The following STK36 variants were observed in gnomAD, a reference collection of about 807,000 sequenced individuals.
The protein encoded by STK36 is serine/threonine-protein kinase 36.
In STK36, 116 loss-of-function variants were observed where a neutral mutation model predicts 142.2. The observed-to-expected ratio is 0.82, with a 90% confidence interval of 0.70 to 0.95. The LOEUF (loss-of-function observed/expected upper bound fraction) is 0.95. STK36 is among the 40% of genes least tolerant of loss of function. STK36 has a pLI of 0.00. For missense variants in STK36, 1,422 were observed against 1,617.2 expected, an observed-to-expected ratio of 0.88 and a Z score of 2.07; for synonymous variants, 619 against 641.7, an observed-to-expected ratio of 0.96 and a Z score of 0.53.
At chr2:218,674,507 GC>G (rs200491338) in intron 4 of STK36, among the ~76,000 whole-genome samples, 4 of 152,098 alleles carry the variant, frequency 2.6e-5, no homozygotes, top group East Asian at 1.9e-4. Context: ...AAGCAAGTAG[GC>G]CCCCCCTGGG....
At chr2:218,693,555 G>A (rs1941096730) in intron 17 of STK36, among the ~76,000 whole-genome samples, 168 bp from the exon 18 acceptor site, 1 of 152,124 alleles carries the variant, frequency 6.6e-6, no homozygotes, top group Non-Finnish European at 1.5e-5. Flanking sequence ...AACCGAGAAG[G>A]GTCCCTGTCT....
At chr2:218,690,699 G>A (rs1169096083) in intron 14 of STK36, 144 bp downstream of exon 14, 5 of 670,152 alleles carry the variant, frequency 7.5e-6, no homozygotes, top group Non-Finnish European at 1.3e-5. Context: ...TGCCATGTGA[G>A]TAAGAAAAAG....
intron 12 of STK36, 46 bp from the exon 13 acceptor site, chr2:218,689,813 T>G: frequency 6.5e-7 from 1 of 1,545,378 alleles, no homozygotes; most frequent in South Asian, 1.2e-5. Flanking sequence ...ATTCTTTGTT[T>G]CCATCCTTCA....
rs537653052 is a variant in STK36 at position 218,693,353 on chromosome 2, C to T, written c.2148+9C>T. On this transcript the variant is annotated intron_variant, in intron 17 of 26. Coordinates refer to ENST00000295709, the MANE Select transcript of STK36 (RefSeq NM_015690.5). ...GCCTGCACCTTCTCAAGGTAATCCT[C>T]TTAACTCCTGGCATCACAGCTTTAT... 1 of 1,612,210 alleles carries T rather than the reference C, an allele frequency of 6.2e-7. No individual in the cohort carries two copies. The highest frequency in any genetic ancestry group is 1.7e-5 in the Admixed American group (1 of 59,948).
In STK36 at chr2:218,690,511, CA is replaced by C. The variant is rs1940958751; in HGVS notation, c.1722del (p.Gln574HisfsTer40). 1.2e-6 allele frequency: 2 copies of C among 1,614,164 alleles called. No homozygotes were observed. Among genetic ancestry groups the C allele is most frequent in the East Asian group, 4.5e-5 (2 of 44,886 alleles). ...FLDLLGKLLA[Q>X]PDDSEQTLRR... The stretch of plus-strand genomic sequence containing the variant: ...GGACCTGTTGGGGAAACTGCTGGCC[CA>C]ACCAGATGACTCTGAGCAGACTTTG... On this transcript the variant is annotated frameshift_variant, in exon 14 of 27. Transcript: ENST00000295709. LOFTEE classifies it high-confidence loss of function.
chr2:218,699,495 T>G, intron 26 of STK36, 147 bp downstream of exon 26: 1 of 1,270,514 alleles, frequency 7.9e-7, no homozygotes, highest in Non-Finnish European at 1.1e-6. Context: ...GGAGTGAGTT[T>G]TCTAGTTACA....
rs1559346112 is a variant in STK36, at chr2:218,698,733, C to CT, written c.3190dup (p.Ser1064PhefsTer10). 9.9e-6 allele frequency: 16 copies of CT among 1,614,228 alleles called. No homozygotes were observed. Among genetic ancestry groups the CT allele is most frequent in the Non-Finnish European group, 1.4e-5 (16 of 1,180,044 alleles). Reference sequence around the variant, plus strand: ...TGTCTGCCTCCCCTAGAACCATCGTCTCGTTTCTCTCAGTTGCCCTCCTGA... The same window carrying CT: ...TGTCTGCCTCCCCTAGAACCATCGTCTTCGTTTCTCTCAGTTGCCCTCCTGA... On this transcript the variant is annotated frameshift_variant, in exon 26 of 27. Coordinates refer to ENST00000295709, the MANE Select transcript of STK36 (RefSeq NM_015690.5). LOFTEE classifies it high-confidence loss of function.
chr2:218,686,534 G>C (rs548900790), intron 11 of STK36, among the ~76,000 whole-genome samples: 1 of 152,172 alleles, frequency 6.6e-6, no homozygotes, highest in African/African-American at 2.4e-5. Context: ...CTCCCAAAGT[G>C]CTAGGATTAT....
Position 218,672,886 on chromosome 2 carries a change from C to T in STK36, c.57C>T (p.Tyr19=). The T allele has an allele frequency of 6.2e-7, 1 of 1,613,996 alleles. No individual in the cohort carries two copies. The highest frequency in any genetic ancestry group is 1.7e-5 in the Admixed American group (1 of 59,994). Residue 19 remains tyrosine (Y), a synonymous_variant, in exon 2 of 27, where the codon TAC becomes TAT. Transcript: ENST00000295709. ...MIGEGSFGRV[Y]KGRRKYSAQV... is the part of the protein sequence containing the mutation. ...GAGAAGGCTCTTTTGGGAGGGTGTA[C>T]AAGGGTCGAAGAAAATACAGTGCTC...
intron 6 of STK36, 49 bp downstream of exon 6, chr2:218,676,327 C>T (rs767627164): frequency 1.9e-6 from 3 of 1,601,228 alleles, no homozygotes; most frequent in Non-Finnish European, 2.6e-6. Flanking sequence ...AATCTGTCTC[C>T]CTCTATCTCT....
At position 218,696,501 on chromosome 2, in the gene STK36, G is replaced by A. The variant is rs200526282; in HGVS notation, c.2512-26G>A. 1.1e-4 allele frequency: 170 copies of A among 1,609,566 alleles called. 1 individual carries two copies. The African/African-American group carries it at 1.7e-3, about 16-fold the overall frequency. The stretch of plus-strand genomic sequence containing the variant: ...GACACCCCATTCCTCTTAGGCACCT[G>A]CATTCTTCATGTTTCTCTCTGACAG... On this transcript the variant is annotated intron_variant, in intron 21 of 26. Transcript: ENST00000295709.
At chr2:218,678,241 C>T (rs959568231) in intron 6 of STK36, among the ~76,000 whole-genome samples, 1 of 152,180 alleles carries the variant, frequency 6.6e-6, no homozygotes, top group Non-Finnish European at 1.5e-5. Context: ...TGAGCCACTG[C>T]ACCCAACCTT....
At chr2:218,697,666 A>G in intron 24 of STK36, 56 bp downstream of exon 24, 2 of 1,607,612 alleles carry the variant, frequency 1.2e-6, no homozygotes, top group South Asian at 1.1e-5. Context: ...GAGAAAGAAG[A>G]AGGCAGGAAA....
chr2:218,701,916 G>T lies in STK36; in HGVS notation c.3855G>T (p.Gly1285=). 6.2e-7 allele frequency: 1 copy of T among 1,614,096 alleles called. No homozygotes were observed. Among genetic ancestry groups the T allele is most frequent in the Non-Finnish European group, 8.5e-7 (1 of 1,180,022 alleles). ...AGAAACTATCCTTGCTCTCTCTGGGGAATCAGTCACTGCCACACAGCAGTC... is the reference window on the plus strand; with the variant it reads ...AGAAACTATCCTTGCTCTCTCTGGGTAATCAGTCACTGCCACACAGCAGTC... ...ASEKLSLLSL[G]NQSLPHSSPR... is the part of the protein sequence containing the mutation. Residue 1285 remains glycine (G), a synonymous_variant, in exon 27 of 27, where the codon GGG becomes GGT. Coordinates refer to ENST00000295709, the MANE Select transcript of STK36 (RefSeq NM_015690.5).
intron 14 of STK36, among the ~76,000 whole-genome samples, chr2:218,691,794 GTGATCCACC>G (rs2106360029): frequency 6.6e-6 from 1 of 152,288 alleles, no homozygotes; most frequent in East Asian, 1.9e-4. Flanking sequence ...CTGAGCTCAA[GTGATCCACC>G]TGCCTCGGCC....
Position 218,676,165 on chromosome 2 carries a change from T to C in STK36, c.571T>C (p.Tyr191His). Residue 191 changes from tyrosine (Y) to histidine (H), a missense_variant, in exon 6 of 27, where the codon TAT becomes CAT. Tyr to His is a moderately conservative substitution (Grantham distance 83). This residue lies in a region of STK36 where 460 missense variants were observed against 449.6 expected (regional missense o/e 1.02). Transcript: ENST00000295709. ...ADLWSVGCIL[Y>H]ELAVGTPPFY... ...CCTCTGGTCTGTTGGCTGCATACTA[T>C]ATGAACTGGCAGTAGGCACCCCTCC... 5.0e-6 allele frequency: 8 copies of C among 1,614,154 alleles called. No individual in the cohort carries two copies. The highest frequency in any genetic ancestry group is 5.9e-6 in the Non-Finnish European group (7 of 1,180,034).
chr2:218,689,715 ACTCT>A, intron 12 of STK36, 140 bp from the exon 13 acceptor site: 1 of 646,106 alleles, frequency 1.5e-6, no homozygotes. Flanking sequence ...TACCCCTAGA[ACTCT>A]CTCTCTGCCT....
chr2:218,679,142 T>C, intron 6 of STK36, 26 bp from the exon 7 acceptor site: 1 of 1,607,414 alleles, frequency 6.2e-7, no homozygotes, highest in Non-Finnish European at 8.5e-7. Flanking sequence ...AAAGAATGAC[T>C]GATGGAATAT....
At chr2:218,680,822 G>T (rs1003842174) in intron 10 of STK36, 120 bp downstream of exon 10, 10 of 713,570 alleles carry the variant, frequency 1.4e-5, no homozygotes, top group Non-Finnish European at 2.3e-5. Context: ...GTGTTAAAAA[G>T]TATTGCTTTA....
Sources: gnomAD v4.1 joint callset for allele counts (sites outside exome capture counted in the v4.1 genomes callset) on GRCh38, gnomAD v4.1.1 for gene constraint, gnomAD v4.1.1 regional missense constraint, MANE v1.5 for transcripts, NCBI Gene and HGNC (gene_info 2026-07-23, HGNC 2026-07-21) for gene names.